Variants in CLVS1 observed in about 807,000 individuals in gnomAD.
CLVS1 encodes clavesin 1, also known as clavesin-1.
A neutral mutation model predicts 33.1 loss-of-function variants in CLVS1; 10 were observed. That is an observed-to-expected ratio of 0.30 (90% CI 0.19 to 0.51). The LOEUF (loss-of-function observed/expected upper bound fraction) is 0.51. Ranked by LOEUF, CLVS1 falls within the 20% of genes least tolerant of loss-of-function variation. CLVS1 has a pLI of 0.97. For synonymous variants in CLVS1, 163 were observed against 166.1 expected (o/e 0.98, Z 0.14); for missense variants, 343 against 433.4 (o/e 0.79, Z 1.85).
At chr8:61,162,334 G>T (rs1806769633) in intron 2 of CLVS1, among the ~76,000 whole-genome samples, 1 of 152,172 alleles carries the variant, frequency 6.6e-6, no homozygotes, top group Non-Finnish European at 1.5e-5. Flanking sequence ...TCTGTTTATT[G>T]TCAGTTTGTG....
At chr8:61,431,594 G>A (rs1252374495) in intron 3 of CLVS1, among the ~76,000 whole-genome samples, 1 of 152,048 alleles carries the variant, frequency 6.6e-6, no homozygotes, top group Non-Finnish European at 1.5e-5. Context: ...ATTTTCCAGG[G>A]TAGCGTGTTC....
At chr8:61,089,973 T>A (rs1805203623) in intron 1 of CLVS1, among the ~76,000 whole-genome samples, 1 of 152,210 alleles carries the variant, frequency 6.6e-6, no homozygotes, top group Non-Finnish European at 1.5e-5. Context: ...TTCCATGACT[T>A]CATTTACCAT....
intron 2 of CLVS1, among the ~76,000 whole-genome samples, chr8:61,210,984 G>C (rs533524787): frequency 1.3e-5 from 2 of 152,164 alleles, no homozygotes; most frequent in African/African-American, 2.4e-5. Flanking sequence ...GATGCCATCA[G>C]GAAGGGATGA....
intron 2 of CLVS1, among the ~76,000 whole-genome samples, chr8:61,320,712 C>A (rs191664982): frequency 1.3e-5 from 2 of 152,268 alleles, no homozygotes; most frequent in Non-Finnish European, 2.9e-5. Flanking sequence ...AAAACAAGTT[C>A]TCTAGGGCCT....
chr8:61,052,756 C>T (rs1804407737), upstream of CLVS1, among the ~76,000 whole-genome samples: 1 of 152,102 alleles, frequency 6.6e-6, no homozygotes, highest in Non-Finnish European at 1.5e-5. Flanking sequence ...GTGAGAGTTT[C>T]CCTCTGAGTG....
intron 3 of CLVS1, among the ~76,000 whole-genome samples, chr8:61,453,847 T>G (rs1327643965): frequency 6.6e-6 from 1 of 152,190 alleles, no homozygotes; most frequent in South Asian, 2.1e-4. Flanking sequence ...TCAGGCTGCA[T>G]GAGCTTCTGT....
intron 1 of CLVS1, among the ~76,000 whole-genome samples, chr8:61,059,879 C>T (rs1804553412): frequency 6.6e-6 from 1 of 151,816 alleles, no homozygotes; most frequent in Non-Finnish European, 1.5e-5. Context: ...CCCATGTGAC[C>T]AAGTTCTTAC....
chr8:61,376,875 A>G (rs1295198755), intron 3 of CLVS1, 96 bp downstream of exon 3: 4 of 1,161,548 alleles, frequency 3.4e-6, no homozygotes, highest in African/African-American at 3.1e-5. Context: ...TTGGAGTGGA[A>G]AAAGGAAACT....
At chr8:61,464,087 T>C (rs1197611736) in intron 5 of CLVS1, among the ~76,000 whole-genome samples, 2 of 51,888 alleles carry the variant, frequency 3.9e-5, no homozygotes, top group Non-Finnish European at 1.2e-4. Flanking sequence ...AGACTCTGTC[T>C]CAAAAAAAAA....
the CLVS1 span, among the ~76,000 whole-genome samples, chr8:61,038,432 CG>C: frequency 3.3e-5 from 4 of 122,178 alleles, no homozygotes; most frequent in Non-Finnish European, 6.7e-5. Flanking sequence ...TTCCTCCTGT[CG>C]TTTGTATATA....
intron 2 of CLVS1, among the ~76,000 whole-genome samples, chr8:61,139,594 G>A (rs1209502109): frequency 6.6e-6 from 1 of 152,096 alleles, no homozygotes; most frequent in East Asian, 1.9e-4. Context: ...CCGTGCAGAA[G>A]GGAGGGCGCA....
chr8:61,496,616 A>C (rs1804276383), intron 5 of CLVS1, among the ~76,000 whole-genome samples: 1 of 151,982 alleles, frequency 6.6e-6, no homozygotes, highest in South Asian at 2.1e-4. Flanking sequence ...TTTTGCTTTC[A>C]AAGGTTCAGC....
At chr8:61,063,912 T>TC in intron 1 of CLVS1, among the ~76,000 whole-genome samples, 1 of 152,322 alleles carries the variant, frequency 6.6e-6, no homozygotes, top group Middle Eastern at 3.4e-3. Context: ...TGGTATCCTC[T>TC]CTTCTACTTT....
At chr8:61,283,466 C>T (rs2129593314), upstream of CLVS1, among the ~76,000 whole-genome samples, 1 of 152,316 alleles carries the variant, frequency 6.6e-6, no homozygotes, top group Non-Finnish European at 1.5e-5. Context: ...ACATCAAATA[C>T]TGCCACCTTT....
intron 3 of CLVS1, among the ~76,000 whole-genome samples, chr8:61,448,557 C>T (rs1348861646): frequency 6.6e-6 from 1 of 151,778 alleles, no homozygotes; most frequent in African/African-American, 2.4e-5. Context: ...TTTTATTGGA[C>T]TTTTTAAGTT....
chr8:61,134,981 T>C (rs1175795108), intron 2 of CLVS1, among the ~76,000 whole-genome samples: 1 of 151,622 alleles, frequency 6.6e-6, no homozygotes, highest in Non-Finnish European at 1.5e-5. Flanking sequence ...AGCAAGAGAA[T>C]GGATGGTACA....
chr8:61,307,715 G>A (rs1006525924), intron 2 of CLVS1, among the ~76,000 whole-genome samples: 1 of 152,014 alleles, frequency 6.6e-6, no homozygotes, highest in Non-Finnish European at 1.5e-5. Context: ...GATTTAGGGG[G>A]TACAAGTGCA....
chr8:61,499,176 A>G (rs896932820), intron 5 of CLVS1, among the ~76,000 whole-genome samples: 15 of 151,608 alleles, frequency 9.9e-5, no homozygotes, highest in African/African-American at 3.4e-4. Flanking sequence ...GAGTGTCTTT[A>G]TTTCTTATTT....
intron 2 of CLVS1, among the ~76,000 whole-genome samples, chr8:61,236,276 G>GC (rs1217895024): frequency 6.6e-6 from 1 of 152,162 alleles, no homozygotes; most frequent in Non-Finnish European, 1.5e-5. Context: ...GCCACAAAGG[G>GC]TATGAGACCG....
Sources: gnomAD v4.1 joint callset for allele counts (sites outside exome capture counted in the v4.1 genomes callset) on GRCh38, gnomAD v4.1.1 for gene constraint, MANE v1.5 for transcripts, NCBI Gene and HGNC (gene_info 2026-07-23, HGNC 2026-07-21) for gene names.